The following UMAD1 variants were observed in gnomAD, a reference collection of about 807,000 sequenced individuals.
UMAD1 encodes UBAP1-MVB12-associated (UMA) domain containing 1.
Under a neutral mutation model 6.1 loss-of-function variants are expected in UMAD1, and 8 were observed. The observed-to-expected ratio is 1.30, with a 90% confidence interval of 0.76 to 2.35. UMAD1 has a LOEUF of 2.35. Ranked by LOEUF, UMAD1 falls within the 30% of genes most tolerant of loss-of-function variation. The pLI, the probability that UMAD1 is intolerant of heterozygous loss-of-function variation, is 0.00. For synonymous variants in UMAD1, 56 were observed against 31.4 expected, an observed-to-expected ratio of 1.78 and a Z score of -2.61; for missense variants, 130 against 78.4, an observed-to-expected ratio of 1.66 and a Z score of -2.49.
rs556741115 is a variant in UMAD1, at chr7:7,659,197, T to G, written c.-63-14112T>G. 6.6e-5 allele frequency among the ~76,000 whole-genome samples: 10 copies of G among 152,332 alleles called. 1 individual carries two copies. The highest frequency in any genetic ancestry group is 2.4e-4 in the African/African-American group (10 of 41,582). ...GCATCTATTTGATTCTTCTCTCTTT[T>G]CTTCTTTATTGGTCTTGCTAGCAGT... On this transcript the variant is annotated intron_variant, in intron 1 of 3. Coordinates refer to ENST00000682710, the MANE Select transcript of UMAD1 (RefSeq NM_001302348.2).
rs74943926 is a variant in UMAD1, at chr7:7,874,538, C to T, written c.157-2743C>T. On this transcript the variant is annotated intron_variant, in intron 3 of 3. Transcript: ENST00000682710. ...ATTCATTTAAAATACAAAATCAGGC[C>T]GGGCACAGTGGCTCACGCCTGTAAT... 4.3e-3 allele frequency among the ~76,000 whole-genome samples: 650 copies of T among 152,126 alleles called. 7 individuals carry two copies. In the South Asian group the frequency reaches 0.059, roughly 14 times the overall value.
At chr7:7,747,314 G>A (rs1378189593) in intron 2 of UMAD1, among the ~76,000 whole-genome samples, 1 of 152,072 alleles carries the variant, frequency 6.6e-6, no homozygotes, top group Non-Finnish European at 1.5e-5. Context: ...ACTATTAATG[G>A]CACCTCATTT....
At chr7:7,667,830 C>T (rs1365864639) in intron 1 of UMAD1, among the ~76,000 whole-genome samples, 1 of 152,206 alleles carries the variant, frequency 6.6e-6, no homozygotes, top group Non-Finnish European at 1.5e-5. Context: ...TGATGAAAAG[C>T]ATTCAGTTTT....
rs1428196033 is a variant in UMAD1, at chr7:7,847,056, T to A, written c.157-30225T>A. On this transcript the variant is annotated intron_variant, in intron 3 of 3. Coordinates refer to ENST00000682710, the MANE Select transcript of UMAD1 (RefSeq NM_001302348.2). ...ATGTACCCTAAAACTTAGAGTATAA[T>A]AAAAAAAAAAAAAAAAAAAAGACAG... Among the ~76,000 whole-genome samples, 10 of 33,506 alleles carry A rather than the reference T, an allele frequency of 3.0e-4. 1 individual carries two copies. The East Asian group carries it at 4.5e-3, about 15-fold the overall frequency. 22.0% of individuals were successfully genotyped at this position (33,506 alleles called of 152,430 possible).
intron 1 of UMAD1, among the ~76,000 whole-genome samples, chr7:7,655,714 A>C (rs1477717723): frequency 6.6e-6 from 1 of 152,198 alleles, no homozygotes; most frequent in African/African-American, 2.4e-5. Context: ...TTAGGGGACG[A>C]ATGAAAAGAT....
chr7:7,786,895 C>G (rs1050111016), intron 2 of UMAD1, among the ~76,000 whole-genome samples: 4 of 152,188 alleles, frequency 2.6e-5, no homozygotes, highest in African/African-American at 9.7e-5. Flanking sequence ...TTGACTGAGA[C>G]AAGTTGATTT....
chr7:7,806,721 T>TTA (rs1270295961), intron 3 of UMAD1, among the ~76,000 whole-genome samples: 2 of 152,166 alleles, frequency 1.3e-5, no homozygotes, highest in Admixed American at 1.3e-4. Context: ...AGGGAAAAGT[T>TTA]TAATAAATTC....
chr7:7,715,854 T>C (rs1454544321), intron 2 of UMAD1, among the ~76,000 whole-genome samples: 2 of 152,178 alleles, frequency 1.3e-5, no homozygotes, highest in Non-Finnish European at 2.9e-5. Flanking sequence ...ATTTAAAAAA[T>C]AGTATCGTGA....
chr7:7,729,874 C>A (rs11760820), intron 2 of UMAD1, among the ~76,000 whole-genome samples: 12,429 of 152,244 alleles, frequency 0.082, 628 homozygotes, highest in African/African-American at 0.14. Flanking sequence ...CAAGTTGTCC[C>A]TCTTTCCTGC....
chr7:7,771,138 C>G (rs200893173), intron 2 of UMAD1, among the ~76,000 whole-genome samples: 2 of 136,730 alleles, frequency 1.5e-5, no homozygotes, highest in African/African-American at 5.2e-5. Flanking sequence ...TTTTTTTTTT[C>G]TTGGAACGCT....
chr7:7,687,296 A>G (rs578004962), intron 2 of UMAD1: 1 of 152,304 alleles, frequency 6.6e-6, no homozygotes, highest in East Asian at 1.9e-4. Flanking sequence ...ACATTGTTGC[A>G]GGAGATGAAG....
At chr7:7,734,214 A>T (rs1180011141) in intron 2 of UMAD1, among the ~76,000 whole-genome samples, 1 of 152,126 alleles carries the variant, frequency 6.6e-6, no homozygotes, top group Non-Finnish European at 1.5e-5. Context: ...AGCTCATGAC[A>T]TCTCAGAGCT....
chr7:7,799,198 A>T (rs1782749252), intron 2 of UMAD1, among the ~76,000 whole-genome samples: 1 of 152,196 alleles, frequency 6.6e-6, no homozygotes, highest in African/African-American at 2.4e-5. Flanking sequence ...CAAAAATTGT[A>T]TTTCATTGTG....
intron 1 of UMAD1, chr7:7,641,187 G>T (rs939749375): frequency 1.3e-5 from 2 of 152,250 alleles, no homozygotes; most frequent in African/African-American, 4.8e-5. Flanking sequence ...TGTAAGAAGA[G>T]AGATTGATCC....
intron 2 of UMAD1, chr7:7,742,472 C>T (rs1781491492): frequency 5.6e-6 from 3 of 533,370 alleles, no homozygotes; most frequent in South Asian, 2.8e-5. Context: ...TTGTGGACAC[C>T]TTTCAACACT....
intron 2 of UMAD1, among the ~76,000 whole-genome samples, chr7:7,723,973 A>G (rs1781095831): frequency 6.6e-6 from 1 of 152,222 alleles, no homozygotes; most frequent in Non-Finnish European, 1.5e-5. Flanking sequence ...TTTGAATTAT[A>G]AAAACAGAAT....
At chr7:7,644,948 A>G (rs1224912531) in intron 1 of UMAD1, among the ~76,000 whole-genome samples, 1 of 152,162 alleles carries the variant, frequency 6.6e-6, no homozygotes, top group Non-Finnish European at 1.5e-5. Context: ...TCCTTGAGCC[A>G]TTTTGGTCCT....
intron 3 of UMAD1, among the ~76,000 whole-genome samples, chr7:7,826,701 T>G (rs1783348175): frequency 1.3e-5 from 2 of 152,154 alleles, no homozygotes; most frequent in African/African-American, 4.8e-5. Context: ...CACCCCCCTT[T>G]AAGTAATTTT....
At chr7:7,854,636 C>T (rs1783980921) in intron 3 of UMAD1, among the ~76,000 whole-genome samples, 1 of 152,152 alleles carries the variant, frequency 6.6e-6, no homozygotes, top group South Asian at 2.1e-4. Context: ...ATGGGGGTTA[C>T]AATTCAAGAT....
Sources: allele counts gnomAD v4.1 joint callset (sites outside exome capture counted in the v4.1 genomes callset), GRCh38; gene constraint gnomAD v4.1.1; transcripts MANE v1.5; gene names NCBI Gene and HGNC (gene_info 2026-07-23, HGNC 2026-07-21).